The following AGBL1 variants were observed in gnomAD, a reference collection of about 807,000 sequenced individuals.
AGBL1 encodes AGBL carboxypeptidase 1.
A neutral mutation model predicts 118.9 loss-of-function variants in AGBL1; 130 were observed. The ratio of observed to expected loss-of-function variants is 1.09; its 90% CI spans 0.95 to 1.26. The LOEUF (loss-of-function observed/expected upper bound fraction) is 1.26, where lower values mean the gene tolerates loss of function less well. Ranked by LOEUF, AGBL1 falls within the 50% of genes most tolerant of loss-of-function variation. The pLI is 0.00. For missense variants in AGBL1, 1,584 were observed against 1,298.1 expected (o/e 1.22, Z -3.38); for synonymous variants, 555 against 478.9 (o/e 1.16, Z -2.08).
At chr15:86,742,520 T>C (rs1423044409) in intron 22 of AGBL1, among the ~76,000 whole-genome samples, 1 of 152,112 alleles carries the variant, frequency 6.6e-6, no homozygotes, top group East Asian at 1.9e-4. Flanking sequence ...GATCAGATTA[T>C]GGGATGCAGG....
chr15:86,716,571 A>G (rs571974033), intron 22 of AGBL1, among the ~76,000 whole-genome samples: 2 of 152,274 alleles, frequency 1.3e-5, no homozygotes, highest in Non-Finnish European at 2.9e-5. Flanking sequence ...GAAGGGAGCA[A>G]GAAAATAGAA....
intron 24 of AGBL1, among the ~76,000 whole-genome samples, chr15:87,022,137 T>C (rs2081671032): frequency 2.0e-5 from 3 of 152,138 alleles, no homozygotes; most frequent in South Asian, 2.1e-4. Context: ...GACAAAAGAA[T>C]CTGAATGGGA....
chr15:86,522,984 T>A, intron 19 of AGBL1, 45 bp downstream of exon 19: 1 of 1,581,950 alleles, frequency 6.3e-7, no homozygotes, highest in African/African-American at 1.3e-5. Flanking sequence ...TGCTTCCTTC[T>A]ACCTTCCAGG....
chr15:86,257,119 C>G, intron 8 of AGBL1, 101 bp downstream of exon 8: 3 of 1,266,926 alleles, frequency 2.4e-6, no homozygotes, highest in Non-Finnish European at 3.2e-6. Context: ...TTTTATAGGT[C>G]AACCATAATT....
chr15:86,881,941 C>T (rs564927984), intron 22 of AGBL1, among the ~76,000 whole-genome samples: 70 of 152,296 alleles, frequency 4.6e-4, no homozygotes, highest in African/African-American at 1.5e-3. Context: ...ACTGTCCCCA[C>T]GATCCAATCG....
intron 23 of AGBL1, among the ~76,000 whole-genome samples, chr15:86,986,353 T>A (rs2081282173): frequency 6.6e-6 from 1 of 152,248 alleles, no homozygotes. Context: ...CCTAGCTTGT[T>A]ACAACTATAT....
In AGBL1 at chr15:86,397,448, G is replaced by T. The variant is rs200431794; in HGVS notation, c.2457G>T (p.Glu819Asp). 237 of 1,613,198 alleles carry T rather than the reference G, an allele frequency of 1.5e-4. 1 individual carries two copies. In the African/African-American group the frequency reaches 2.9e-3, roughly 19 times the overall value. ...NASWVMKGTL[E>D]FLVSSDPVAR... The stretch of plus-strand genomic sequence containing the variant: ...GTTGGGTGATGAAGGGTACCTTGGA[G>T]TTCCTGGTCAGCAGTGACCCTGTGG... The change falls in exon 18 of 23, where the codon GAG becomes GAT. Residue 819 changes from glutamate (E) to aspartate (D), a missense_variant. Transcript: ENST00000614907.
intron 17 of AGBL1, among the ~76,000 whole-genome samples, chr15:86,308,821 C>A (rs1028163711): frequency 4.6e-5 from 7 of 152,144 alleles, no homozygotes; most frequent in Admixed American, 2.6e-4. Flanking sequence ...TTGGTTACTA[C>A]AGCTTTGTAG....
intron 21 of AGBL1, among the ~76,000 whole-genome samples, chr15:86,562,658 A>T (rs994674090): frequency 3.9e-5 from 6 of 152,218 alleles, no homozygotes; most frequent in African/African-American, 1.4e-4. Context: ...CTGGCCTCAT[A>T]AAATGAGTTA....
chr15:86,138,083 G>A (rs775635477), intron 1 of AGBL1, among the ~76,000 whole-genome samples: 12 of 152,180 alleles, frequency 7.9e-5, no homozygotes, highest in Non-Finnish European at 1.8e-4. Context: ...ATTACAGCTC[G>A]TGAGGTGGGA....
At chr15:86,294,841 G>A (rs1021535703) in intron 16 of AGBL1, among the ~76,000 whole-genome samples, 2 of 152,002 alleles carry the variant, frequency 1.3e-5, no homozygotes, top group Non-Finnish European at 2.9e-5. Context: ...GCACTTTTAG[G>A]GTATCCATCA....
chr15:86,808,614 C>A (rs1264963746), intron 22 of AGBL1, among the ~76,000 whole-genome samples: 1 of 144,614 alleles, frequency 6.9e-6, no homozygotes, highest in Non-Finnish European at 1.5e-5. Flanking sequence ...TCTTTCCTTC[C>A]TTCCCTTTCT....
At chr15:86,642,429 A>G (rs1045804795) in intron 21 of AGBL1, among the ~76,000 whole-genome samples, 1 of 152,182 alleles carries the variant, frequency 6.6e-6, no homozygotes, top group African/African-American at 2.4e-5. Flanking sequence ...ATTAACAGAT[A>G]TTACATTATC....
At chr15:86,779,764 G>A (rs62031438) in intron 22 of AGBL1, among the ~76,000 whole-genome samples, 18,642 of 151,914 alleles carry the variant, frequency 0.12, 1,176 homozygotes, top group Admixed American at 0.15. Context: ...ATTTTTTTCA[G>A]ATGACTAATA....
chr15:86,689,596 T>C (rs2086126347), intron 22 of AGBL1, among the ~76,000 whole-genome samples: 1 of 152,096 alleles, frequency 6.6e-6, no homozygotes, highest in Admixed American at 6.6e-5. Context: ...ATGGAATATA[T>C]TCAAAATACG....
intron 18 of AGBL1, among the ~76,000 whole-genome samples, chr15:86,467,342 A>G (rs1266121488): frequency 1.3e-5 from 2 of 152,138 alleles, no homozygotes; most frequent in African/African-American, 4.8e-5. Context: ...TTGATCATCC[A>G]AGGTCGACTT....
chr15:86,193,496 G>A (rs189243858), intron 5 of AGBL1, among the ~76,000 whole-genome samples: 38 of 152,146 alleles, frequency 2.5e-4, no homozygotes, highest in Admixed American at 6.5e-4. Flanking sequence ...TTTTGACCCC[G>A]CAGCCCACTT....
At chr15:86,759,547 A>G (rs756994249) in intron 22 of AGBL1, among the ~76,000 whole-genome samples, 15 of 152,116 alleles carry the variant, frequency 9.9e-5, no homozygotes, top group Non-Finnish European at 1.9e-4. Context: ...TTTAAGAATT[A>G]ATCAATGTTA....
intron 22 of AGBL1, among the ~76,000 whole-genome samples, chr15:86,809,523 A>G (rs1413507144): frequency 6.6e-6 from 1 of 152,080 alleles, no homozygotes; most frequent in Non-Finnish European, 1.5e-5. Context: ...ACGATTTGCT[A>G]TACTAGCCCT....
Sources: gnomAD v4.1 joint callset for allele counts (sites outside exome capture counted in the v4.1 genomes callset) on GRCh38, gnomAD v4.1.1 for gene constraint, MANE v1.5 for transcripts, NCBI Gene and HGNC (gene_info 2026-07-23, HGNC 2026-07-21) for gene names.